GALNTL6: variants seen among roughly 807,000 people sequenced by gnomAD.
The protein encoded by GALNTL6 is polypeptide N-acetylgalactosaminyltransferase-like 6.
GALNTL6 carries 46 observed loss-of-function variants against 73.7 expected under a neutral mutation model. The ratio of observed to expected loss-of-function variants is 0.62; its 90% CI spans 0.49 to 0.80. The LOEUF is 0.80. Among genes scored for constraint, GALNTL6 ranks in the 30% least tolerant of loss-of-function variants. The probability of loss-of-function intolerance (pLI) is 0.00; values close to 1 mark genes in which losing one functional copy is unlikely to be tolerated. For synonymous variants in GALNTL6, 259 were observed against 263.7 expected, an observed-to-expected ratio of 0.98 and a Z score of 0.17; for missense variants, 604 against 755.0, an observed-to-expected ratio of 0.80 and a Z score of 2.34.
intron 5 of GALNTL6, among the ~76,000 whole-genome samples, chr4:172,775,239 T>G (rs1404333142): frequency 2.6e-5 from 4 of 152,186 alleles, no homozygotes; most frequent in African/African-American, 9.7e-5. Flanking sequence ...ATTTTAATAA[T>G]GCTGAGACAA....
chr4:173,023,550 G>T (rs139831276), intron 12 of GALNTL6, among the ~76,000 whole-genome samples: 1 of 152,054 alleles, frequency 6.6e-6, no homozygotes, highest in Admixed American at 6.6e-5. Flanking sequence ...CCAGCTACTC[G>T]GGAGGCTGAG....
intron 2 of GALNTL6, among the ~76,000 whole-genome samples, chr4:172,003,080 T>C (rs1374849963): frequency 6.6e-6 from 1 of 152,124 alleles, no homozygotes; most frequent in East Asian, 1.9e-4. Flanking sequence ...TTGTCAAAGA[T>C]CTCCTTCTTG....
chr4:172,345,914 G>T lies in GALNTL6; in HGVS notation c.387-2609G>T, dbSNP rs114515373. On this transcript the variant is annotated intron_variant, in intron 4 of 12. Transcript: ENST00000506823. ...GGAGACAATATGGAACATACCTCAG[G>T]GTTATCCCACCATACGACTATTTAT... Among the ~76,000 whole-genome samples, 667 of 152,194 alleles carry T rather than the reference G, an allele frequency of 4.4e-3. 6 individuals carry two copies. Among genetic ancestry groups the T allele is most frequent in the African/African-American group, 0.015 (633 of 41,536 alleles).
At position 173,022,189 on chromosome 4, in the gene GALNTL6, GAGGAAGGA is replaced by G. The variant is rs35151291; in HGVS notation, c.1638+595_1638+602del. Among the ~76,000 whole-genome samples, 836 of 134,360 alleles carry G rather than the reference GAGGAAGGA, an allele frequency of 6.2e-3. 5 individuals are homozygous for G. The highest frequency in any genetic ancestry group is 0.016 in the Middle Eastern group (4 of 254). 88.1% of individuals were successfully genotyped at this position (134,360 alleles called of 152,430 possible). ...GCAGGAAGGGAGAGAGGGAGGGAGG[GAGGAAGGA>G]AGGAAGGAAGGAAGGAAGGAAGGAA... On this transcript the variant is annotated intron_variant, in intron 12 of 12. Transcript: ENST00000506823.
chr4:172,151,602 G>A (rs35297325), intron 2 of GALNTL6, among the ~76,000 whole-genome samples: 1 of 152,168 alleles, frequency 6.6e-6, no homozygotes, highest in African/African-American at 2.4e-5. Context: ...AAGGAAAAGT[G>A]GAGCAGATAG....
At chr4:172,178,592 C>G (rs1645620595) in intron 2 of GALNTL6, among the ~76,000 whole-genome samples, 1 of 151,516 alleles carries the variant, frequency 6.6e-6, no homozygotes, top group African/African-American at 2.4e-5. Flanking sequence ...CTGCAAAGGA[C>G]ATGAACTCAT....
At chr4:171,970,472 T>C (rs1739535063) in intron 2 of GALNTL6, among the ~76,000 whole-genome samples, 1 of 152,366 alleles carries the variant, frequency 6.6e-6, no homozygotes, top group Non-Finnish European at 1.5e-5. Flanking sequence ...CTGGATGCTA[T>C]GGACATAATG....
intron 5 of GALNTL6, among the ~76,000 whole-genome samples, chr4:172,498,489 T>G (rs1380789016): frequency 6.6e-6 from 1 of 152,184 alleles, no homozygotes; most frequent in Non-Finnish European, 1.5e-5. Flanking sequence ...TTTTCAGTAA[T>G]TTTTATATGT....
At chr4:171,903,501 G>A (rs552263987) in intron 2 of GALNTL6, among the ~76,000 whole-genome samples, 31 of 151,866 alleles carry the variant, frequency 2.0e-4, no homozygotes, top group Admixed American at 6.5e-4. Flanking sequence ...CCACGCCCAC[G>A]GAGTCTCGCT....
At chr4:171,947,205 C>T (rs1283590551) in intron 2 of GALNTL6, among the ~76,000 whole-genome samples, 1 of 152,040 alleles carries the variant, frequency 6.6e-6, no homozygotes, top group East Asian at 1.9e-4. Context: ...ATGTCATTCA[C>T]CTCTTTTGCT....
At chr4:172,733,765 A>G (rs1736293110) in intron 5 of GALNTL6, among the ~76,000 whole-genome samples, 1 of 152,206 alleles carries the variant, frequency 6.6e-6, no homozygotes. Context: ...CTGTGATTTC[A>G]AAAACTTCTT....
chr4:172,641,713 A>G (rs1739991291), intron 5 of GALNTL6, among the ~76,000 whole-genome samples: 1 of 152,042 alleles, frequency 6.6e-6, no homozygotes, highest in Non-Finnish European at 1.5e-5. Flanking sequence ...TTTATGTAAC[A>G]TATTATCAAA....
At chr4:172,297,506 T>G (rs1220795480) in intron 3 of GALNTL6, among the ~76,000 whole-genome samples, 1 of 152,222 alleles carries the variant, frequency 6.6e-6, no homozygotes, top group African/African-American at 2.4e-5. Flanking sequence ...ATATAAGTCT[T>G]TAATCCATCT....
At chr4:172,225,746 A>T (rs1338745641) in intron 2 of GALNTL6, among the ~76,000 whole-genome samples, 5 of 151,734 alleles carry the variant, frequency 3.3e-5, no homozygotes, top group Non-Finnish European at 7.4e-5. Flanking sequence ...ACAGGGTGAG[A>T]CCCAGTTTCA....
chr4:172,760,510 T>C (rs1274725305), intron 5 of GALNTL6, among the ~76,000 whole-genome samples: 2 of 152,218 alleles, frequency 1.3e-5, no homozygotes, highest in East Asian at 3.9e-4. Flanking sequence ...CCTGAGATGC[T>C]TGCTCTGCTG....
chr4:172,550,738 C>T lies in GALNTL6; in HGVS notation c.553+202049C>T, dbSNP rs545938092. On this transcript the variant is annotated intron_variant, in intron 5 of 12. Coordinates refer to ENST00000506823, the MANE Select transcript of GALNTL6 (RefSeq NM_001034845.3). ...TCAGCCTCTCATGTAGGCAGCACTACGGGTGTGCATCACCATGCCCAGCTC... is the reference window on the plus strand; with the variant it reads ...TCAGCCTCTCATGTAGGCAGCACTATGGGTGTGCATCACCATGCCCAGCTC... 5.3e-5 allele frequency among the ~76,000 whole-genome samples: 8 copies of T among 152,252 alleles called. No homozygotes were observed. In the South Asian group the frequency reaches 1.0e-3, roughly 20 times the overall value.
At chr4:172,724,718 G>A (rs942876747) in intron 5 of GALNTL6, among the ~76,000 whole-genome samples, 1 of 152,128 alleles carries the variant, frequency 6.6e-6, no homozygotes, top group African/African-American at 2.4e-5. Flanking sequence ...AAGTACTAAA[G>A]AATCAGTTTT....
chr4:172,581,722 C>T (rs1045227224), intron 5 of GALNTL6, among the ~76,000 whole-genome samples: 1 of 152,214 alleles, frequency 6.6e-6, no homozygotes, highest in Admixed American at 6.5e-5. Context: ...GTCCTCTGAG[C>T]CTCATCCTTC....
At chr4:172,146,603 A>T (rs1392977711) in intron 2 of GALNTL6, among the ~76,000 whole-genome samples, 2 of 152,172 alleles carry the variant, frequency 1.3e-5, no homozygotes, top group Non-Finnish European at 2.9e-5. Flanking sequence ...TAATAGCCTG[A>T]GACTGTTTCC....
Sources: allele counts gnomAD v4.1 joint callset (sites outside exome capture counted in the v4.1 genomes callset), GRCh38; gene constraint gnomAD v4.1.1; transcripts MANE v1.5; gene names NCBI Gene and HGNC (gene_info 2026-07-23, HGNC 2026-07-21).